CEP128: variants seen among roughly 807,000 people sequenced by gnomAD.
The protein encoded by CEP128 is centrosomal protein 128.
CEP128 carries 132 observed loss-of-function variants against 156.7 expected under a neutral mutation model. The ratio of observed to expected loss-of-function variants is 0.84; its 90% CI spans 0.73 to 0.97. CEP128 has a LOEUF of 0.97. Among genes scored for constraint, CEP128 ranks in the 50% least tolerant of loss-of-function variants. The pLI is 0.00. For missense variants in CEP128, 1,252 were observed against 1,281.9 expected (o/e 0.98, Z 0.36); for synonymous variants, 469 against 448.9 (o/e 1.04, Z -0.57).
At chr14:80,607,025 C>T (rs564768203) in intron 19 of CEP128, among the ~76,000 whole-genome samples, 179 of 151,034 alleles carry the variant, frequency 1.2e-3, no homozygotes, top group African/African-American at 4.3e-3. Flanking sequence ...ATTTATATAA[C>T]ATATATACGA....
At position 80,719,432 on chromosome 14, in the gene CEP128, C is replaced by T. The variant is rs556244162; in HGVS notation, c.2806+23643G>A. Reference sequence around the variant, plus strand: ...ATGCTAAGAACTCTTTGGGCTAAGCCCCAATTTTAGGGCTCACCTTTCCTG... The same window carrying T: ...ATGCTAAGAACTCTTTGGGCTAAGCTCCAATTTTAGGGCTCACCTTTCCTG... On this transcript the variant is annotated intron_variant, in intron 19 of 24. Transcript: ENST00000555265. Among the ~76,000 whole-genome samples the T allele has an allele frequency of 6.6e-5, 10 of 152,256 alleles. No homozygotes were observed. In the East Asian group the frequency reaches 7.7e-4, roughly 12 times the overall value.
At chr14:80,836,602 T>C (rs1321024071) in intron 11 of CEP128, among the ~76,000 whole-genome samples, 1 of 152,178 alleles carries the variant, frequency 6.6e-6, no homozygotes, top group African/African-American at 2.4e-5. Context: ...GTCTACTCCA[T>C]TACTATTAAC....
chr14:80,483,871 C>A (rs1887104716), intron 14 of CEP128, among the ~76,000 whole-genome samples: 1 of 152,158 alleles, frequency 6.6e-6, no homozygotes, highest in African/African-American at 2.4e-5. Flanking sequence ...TGGCGATTTT[C>A]TATGTAGCTT....
chr14:80,856,906 G>C (rs1320395723), intron 9 of CEP128, among the ~76,000 whole-genome samples: 1 of 150,430 alleles, frequency 6.6e-6, no homozygotes, highest in South Asian at 2.1e-4. Context: ...TTTTGTTGCT[G>C]TTGTTTGTTT....
intron 2 of CEP128, chr14:80,955,895 C>T (rs762412721): frequency 1.2e-6 from 2 of 1,613,088 alleles, no homozygotes; most frequent in African/African-American, 2.7e-5. Context: ...AGATCAAGGG[C>T]ATCTGCAGAG....
chr14:80,904,970 G>A (rs372482032), intron 5 of CEP128, 39 bp from the exon 6 acceptor site: 97 of 1,138,610 alleles, frequency 8.5e-5, no homozygotes, highest in Admixed American at 5.1e-4. Flanking sequence ...TTAAAATACT[G>A]CATGAGAAGA....
chr14:80,739,293 AC>A (rs1898688024), intron 19 of CEP128, among the ~76,000 whole-genome samples: 1 of 152,198 alleles, frequency 6.6e-6, no homozygotes, highest in Admixed American at 6.6e-5. Flanking sequence ...GAAAACCACT[AC>A]AAAAATTATT....
intron 19 of CEP128, among the ~76,000 whole-genome samples, chr14:80,657,308 G>T (rs1237755670): frequency 2.0e-5 from 3 of 151,666 alleles, no homozygotes; most frequent in African/African-American, 7.3e-5. Flanking sequence ...CTAAAAGGAA[G>T]TAATCTATTT....
chr14:80,596,946 T>C (rs1892354104), intron 19 of CEP128, among the ~76,000 whole-genome samples: 1 of 145,596 alleles, frequency 6.9e-6, no homozygotes, highest in African/African-American at 2.5e-5. Flanking sequence ...TTTATGAAAC[T>C]AAATGCATGC....
At chr14:80,488,368 G>A (rs540203200), downstream of CEP128, among the ~76,000 whole-genome samples, 143 of 149,688 alleles carry the variant, frequency 9.6e-4, no homozygotes, top group African/African-American at 3.0e-3. Flanking sequence ...ATGCAGCCAA[G>A]AAACACATGA....
At chr14:80,787,894 C>T (rs1433464788) in intron 14 of CEP128, among the ~76,000 whole-genome samples, 2 of 152,254 alleles carry the variant, frequency 1.3e-5, no homozygotes, top group African/African-American at 2.4e-5. Context: ...AGTCCAGAGA[C>T]AGGATGGTTC....
Position 80,951,533 on chromosome 14 carries a change from G to A in CEP128, c.-172+6645C>T, listed in dbSNP as rs563393409. On this transcript the variant is annotated intron_variant, in intron 2 of 7. Coordinates refer to the CEP128 transcript ENST00000555529. ...AGAGTTATAGCTAAGATTCAGCAAA[G>A]AAGATAAAACGGAATCATAAAAATT... is the stretch of plus-strand genomic sequence containing the variant. Among the ~76,000 whole-genome samples the A allele has an allele frequency of 7.9e-5, 12 of 152,108 alleles. No individual in the cohort carries two copies. The East Asian group carries it at 2.1e-3, about 27-fold the overall frequency.
chr14:80,950,745 A>G (rs189817706), intron 2 of CEP128, among the ~76,000 whole-genome samples: 1 of 152,212 alleles, frequency 6.6e-6, no homozygotes, highest in African/African-American at 2.4e-5. Flanking sequence ...ATGGAGAAAC[A>G]ATGGCTAAAA....
chr14:80,544,912 T>A (rs1462717054), intron 21 of CEP128, among the ~76,000 whole-genome samples: 1 of 152,190 alleles, frequency 6.6e-6, no homozygotes, highest in African/African-American at 2.4e-5. Flanking sequence ...TCTATTTGTG[T>A]CTTCATAGAA....
exon 15 of CEP128, chr14:80,478,124 G>A (rs1191430801): frequency 6.6e-6 from 1 of 151,924 alleles, no homozygotes; most frequent in Non-Finnish European, 1.5e-5. Context: ...CGTTCTTTCA[G>A]TAGTGTATAC....
chr14:80,901,678 C>T (rs556885520), intron 6 of CEP128, among the ~76,000 whole-genome samples: 14 of 152,208 alleles, frequency 9.2e-5, no homozygotes, highest in Non-Finnish European at 1.9e-4. Flanking sequence ...TTGACACCTC[C>T]TTTTCACTCA....
At chr14:80,822,835 A>C in intron 13 of CEP128, 1 of 716,684 alleles carries the variant, frequency 1.4e-6, no homozygotes, top group Non-Finnish European at 2.6e-6. Context: ...ACTTCTGTTG[A>C]CTGCACAGTT....
intron 13 of CEP128, among the ~76,000 whole-genome samples, chr14:80,794,707 T>C (rs927125523): frequency 6.6e-6 from 1 of 152,118 alleles, no homozygotes; most frequent in Admixed American, 6.6e-5. Flanking sequence ...ATAGTTTTAA[T>C]ACCAGAGAAG....
rs545152817 is a variant in CEP128 at position 80,941,513 on chromosome 14, G to A, written c.-172+68C>T. 6.2e-4 allele frequency: 95 copies of A among 152,758 alleles called. 1 individual carries two copies. The highest frequency in any genetic ancestry group is 1.1e-3 in the Non-Finnish European group (73 of 68,178). The allele number at this position is 152,758 out of a possible 1,614,324, so 9.5% of individuals were successfully genotyped here. ...CCACCCCTGGGACGAGGGGAAGTGG[G>A]ACTAAAACGTCTACAGTAAGACGGG... On this transcript the variant is annotated intron_variant, in intron 1 of 24. Transcript: ENST00000555265.
Sources: gnomAD v4.1 joint callset for allele counts (sites outside exome capture counted in the v4.1 genomes callset) on GRCh38, gnomAD v4.1.1 for gene constraint, MANE v1.5 for transcripts, NCBI Gene and HGNC (gene_info 2026-07-23, HGNC 2026-07-21) for gene names.